The following GKN2 variants were observed in gnomAD, a reference collection of about 807,000 sequenced individuals.
GKN2 encodes gastrokine-2.
A neutral mutation model predicts 22.7 loss-of-function variants in GKN2; 17 were observed. That is an observed-to-expected ratio of 0.75 (90% CI 0.51 to 1.13). The LOEUF (loss-of-function observed/expected upper bound fraction) is 1.13, where lower values mean the gene tolerates loss of function less well. GKN2 is among the 50% of genes most tolerant of loss of function. The pLI is 0.00. For missense variants in GKN2, 248 were observed against 221.4 expected, an observed-to-expected ratio of 1.12 and a Z score of -0.76; for synonymous variants, 82 against 79.6, an observed-to-expected ratio of 1.03 and a Z score of -0.16.
chr2:68,949,409 T>A (rs1669821345), intron 3 of GKN2, among the ~76,000 whole-genome samples: 1 of 151,878 alleles, frequency 6.6e-6, no homozygotes, highest in Non-Finnish European at 1.5e-5. Flanking sequence ...TATTTTATAT[T>A]TTTTAATTAT....
chr2:68,950,991 T>C (rs1476089019), intron 1 of GKN2, among the ~76,000 whole-genome samples: 1 of 152,120 alleles, frequency 6.6e-6, no homozygotes, highest in Non-Finnish European at 1.5e-5. Context: ...GGTGCTACAA[T>C]TGCCACCTAA....
intron 3 of GKN2, among the ~76,000 whole-genome samples, chr2:68,947,878 C>A (rs898851513): frequency 1.8e-4 from 28 of 152,166 alleles, no homozygotes; most frequent in African/African-American, 6.5e-4. Flanking sequence ...GTGTAAGCTA[C>A]TGCATCTGGC....
chr2:68,945,450 T>C lies in GKN2; in HGVS notation c.473A>G (p.His158Arg), dbSNP rs751618694. The change falls in exon 6 of 6, where the codon CAT becomes CGT. Residue 158 changes from histidine to arginine, a missense_variant and splice_region_variant. Physicochemically the swap from His to Arg is conservative, Grantham distance 29 (BLOSUM62 0). Coordinates refer to ENST00000328895, the MANE Select transcript of GKN2 (RefSeq NM_182536.3). ...TGCACAGCCTCCAGCACCGACATTA[T>C]CTGGAAAAGGGAAAATTTTTCAGAG... ...LYKGEVVENT[H>R]NVGAGGCAKA... 6.2e-7 allele frequency: 1 copy of C among 1,604,406 alleles called. No homozygotes were observed. The highest frequency in any genetic ancestry group is 1.1e-5 in the South Asian group (1 of 88,988).
chr2:68,946,703 C>A (rs1202853930), intron 4 of GKN2, among the ~76,000 whole-genome samples: 1 of 152,144 alleles, frequency 6.6e-6, no homozygotes, highest in Non-Finnish European at 1.5e-5. Flanking sequence ...AAAGGTAGCA[C>A]CTATAAGAAG....
intron 3 of GKN2, among the ~76,000 whole-genome samples, chr2:68,949,841 T>C (rs923182045): frequency 6.6e-6 from 1 of 152,234 alleles, no homozygotes; most frequent in African/African-American, 2.4e-5. Flanking sequence ...TACTCTTCTT[T>C]GCACTTTCTG....
chr2:68,947,390 T>C (rs1381527541), intron 3 of GKN2, 133 bp from the exon 4 acceptor site: 1 of 621,086 alleles, frequency 1.6e-6, no homozygotes, highest in African/African-American at 1.8e-5. Context: ...CTCTCCAATC[T>C]GCAATCAACT....
Position 68,946,359 on chromosome 2 carries a change from A to G in GKN2, c.417T>C (p.Ile139=). The change falls in exon 5 of 6, where the codon ATT becomes ATC. Residue 139 remains isoleucine (I), a synonymous_variant. Transcript: ENST00000328895. ...DVDWFLLGSP[I]EKLCKHIPLY... ...AAGGGATATGTTTGCAGAGTTTCTC[A>G]ATGGGTGACCCAAGCAGGAACCAAT... 1 of 1,614,012 alleles carries G rather than the reference A, an allele frequency of 6.2e-7. No individual in the cohort carries two copies. The highest frequency in any genetic ancestry group is 1.3e-5 in the African/African-American group (1 of 75,038).
At chr2:68,952,807 G>T in intron 1 of GKN2, 43 bp downstream of exon 1, 1 of 1,609,260 alleles carries the variant, frequency 6.2e-7, no homozygotes, top group Non-Finnish European at 8.5e-7. Context: ...TTGTCTGCAA[G>T]CAGTCACCAC....
At chr2:68,946,940 T>C (rs1669779903) in intron 4 of GKN2, among the ~76,000 whole-genome samples, 1 of 152,210 alleles carries the variant, frequency 6.6e-6, no homozygotes, top group African/African-American at 2.4e-5. Flanking sequence ...TAGGACTATA[T>C]GGTGGAAATC....
chr2:68,949,705 C>A (rs933174991), intron 3 of GKN2, among the ~76,000 whole-genome samples: 103 of 152,318 alleles, frequency 6.8e-4, no homozygotes, highest in Admixed American at 2.0e-4. Flanking sequence ...CAGGCATGAG[C>A]CACTGTGCCT....
chr2:68,948,798 T>C (rs556675616), intron 3 of GKN2, among the ~76,000 whole-genome samples: 12 of 152,332 alleles, frequency 7.9e-5, no homozygotes, highest in Admixed American at 7.2e-4. Context: ...TTCTCACAAA[T>C]TGTCAGTTCC....
rs1373591233 is a variant in GKN2, at chr2:68,946,429, G to C, written c.347C>G (p.Thr116Ser). 1 of 1,611,998 alleles carries C rather than the reference G, an allele frequency of 6.2e-7. No individual in the cohort carries two copies. Among genetic ancestry groups the C allele is most frequent in the Middle Eastern group, 1.7e-4 (1 of 6,050 alleles). The change falls in exon 5 of 6, where the codon ACC becomes AGC. Residue 116 changes from threonine to serine, a missense_variant. Transcript: ENST00000328895. ...ALDNMFSSKY[T>S]WVKYNPLESL... ...CTCCAGAGGGTTGTACTTGACCCAG[G>C]TGTATTTGCTGGAGAACATGTTGTC...
intron 4 of GKN2, among the ~76,000 whole-genome samples, chr2:68,946,884 A>C (rs1669779357): frequency 6.6e-6 from 1 of 152,238 alleles, no homozygotes; most frequent in Non-Finnish European, 1.5e-5. Flanking sequence ...GAAGCTGATC[A>C]GTCCTTGCTA....
intron 4 of GKN2, among the ~76,000 whole-genome samples, chr2:68,946,835 G>T (rs1449169474): frequency 1.3e-5 from 2 of 152,010 alleles, no homozygotes; most frequent in Non-Finnish European, 2.9e-5. Context: ...TCTTATTATT[G>T]TTCCAGTCAC....
At chr2:68,947,662 C>A (rs953693087) in intron 3 of GKN2, among the ~76,000 whole-genome samples, 1 of 152,116 alleles carries the variant, frequency 6.6e-6, no homozygotes, top group Non-Finnish European at 1.5e-5. Flanking sequence ...GCAACCTCAG[C>A]TCACTGAAGC....
intron 4 of GKN2, 76 bp from the exon 5 acceptor site, chr2:68,946,536 A>G (rs1669768540): frequency 3.2e-6 from 4 of 1,246,236 alleles, no homozygotes; most frequent in Non-Finnish European, 4.4e-6. Flanking sequence ...AAATTGTGAC[A>G]ATTTTTCTCT....
intron 2 of GKN2, among the ~76,000 whole-genome samples, 195 bp from the exon 3 acceptor site, chr2:68,950,458 A>G (rs1195584098): frequency 1.3e-5 from 2 of 152,232 alleles, no homozygotes. Flanking sequence ...TATATTATAT[A>G]TGGGAGAAGC....
chr2:68,952,670 CA>C (rs1159642904), intron 1 of GKN2, among the ~76,000 whole-genome samples, 179 bp downstream of exon 1: 4 of 151,862 alleles, frequency 2.6e-5, no homozygotes, highest in African/African-American at 7.3e-5. Flanking sequence ...AGGAAAAGGA[CA>C]AAAAAAGTCA....
At position 68,946,470 on chromosome 2, in the gene GKN2, T is replaced by C; in HGVS notation, c.316-10A>G. ...ACATGTTGTCCAGAGCCTAGATCGG[T>C]ATAACAGAAAAGAACAACATAAAAT... On this transcript the variant is annotated splice_polypyrimidine_tract_variant and intron_variant, in intron 4 of 5. Coordinates refer to ENST00000328895, the MANE Select transcript of GKN2 (RefSeq NM_182536.3). The C allele has an allele frequency of 6.4e-7, 1 of 1,569,566 alleles. No homozygotes were observed. The highest frequency in any genetic ancestry group is 8.6e-7 in the Non-Finnish European group (1 of 1,162,082).
Sources: allele counts gnomAD v4.1 joint callset (sites outside exome capture counted in the v4.1 genomes callset), GRCh38; gene constraint gnomAD v4.1.1; transcripts MANE v1.5; gene names NCBI Gene and HGNC (gene_info 2026-07-23, HGNC 2026-07-21).